Variants in SCAPER observed in about 807,000 individuals in gnomAD.
SCAPER encodes S-phase cyclin A associated protein in the ER, also known as S phase cyclin A-associated protein in the endoplasmic reticulum.
SCAPER carries 98 observed loss-of-function variants against 182.2 expected under a neutral mutation model. That is an observed-to-expected ratio of 0.54 (90% confidence interval 0.46 to 0.64). The LOEUF (loss-of-function observed/expected upper bound fraction) is 0.64, where lower values mean the gene tolerates loss of function less well. Among genes scored for constraint, SCAPER ranks in the 30% least tolerant of loss-of-function variants. The pLI is 0.00. For synonymous variants in SCAPER, 605 were observed against 564.6 expected (o/e 1.07, Z -1.01); for missense variants, 1,432 against 1,690.0 (o/e 0.85, Z 2.68).
At chr15:76,465,031 C>T (rs1697564052) in intron 25 of SCAPER, among the ~76,000 whole-genome samples, 2 of 152,060 alleles carry the variant, frequency 1.3e-5, no homozygotes, top group Admixed American at 1.3e-4. Flanking sequence ...TGTGTATTTT[C>T]TTTGAAGAAA....
intron 22 of SCAPER, among the ~76,000 whole-genome samples, chr15:76,595,288 A>C (rs1420953753): frequency 8.2e-6 from 1 of 121,574 alleles, no homozygotes; most frequent in African/African-American, 2.5e-5. Context: ...ACTATCCTAA[A>C]TATATACGGA....
At chr15:76,767,502 T>A (rs1440490036) in intron 10 of SCAPER, among the ~76,000 whole-genome samples, 1 of 152,160 alleles carries the variant, frequency 6.6e-6, no homozygotes, top group African/African-American at 2.4e-5. Context: ...GTACTGGTGA[T>A]GATGCTTTCT....
intron 23 of SCAPER, among the ~76,000 whole-genome samples, chr15:76,568,455 G>C (rs551562637): frequency 6.6e-6 from 1 of 151,790 alleles, no homozygotes; most frequent in Non-Finnish European, 1.5e-5. Context: ...TCCTGAGTTC[G>C]AGTGATTCTC....
At chr15:76,848,191 G>A (rs1038015807) in intron 4 of SCAPER, among the ~76,000 whole-genome samples, 1 of 151,542 alleles carries the variant, frequency 6.6e-6, no homozygotes, top group South Asian at 2.1e-4. Flanking sequence ...GTAGAAACGG[G>A]GTTTCACCAT....
intron 29 of SCAPER, among the ~76,000 whole-genome samples, chr15:76,367,749 C>A (rs1441440828): frequency 6.6e-6 from 1 of 152,106 alleles, no homozygotes; most frequent in Non-Finnish European, 1.5e-5. Context: ...TAAAAGGTAT[C>A]TTTTATTTGG....
At chr15:76,383,519 T>G (rs554903175) in intron 27 of SCAPER, among the ~76,000 whole-genome samples, 30 of 152,374 alleles carry the variant, frequency 2.0e-4, no homozygotes, top group African/African-American at 7.2e-4. Context: ...AGAAGCTCTC[T>G]TATGAAATAC....
At chr15:76,659,845 C>G (rs1193784749) in intron 21 of SCAPER, among the ~76,000 whole-genome samples, 2 of 152,106 alleles carry the variant, frequency 1.3e-5, no homozygotes, top group Non-Finnish European at 2.9e-5. Context: ...CTGTAGATTT[C>G]TCAAAGAACA....
chr15:76,701,961 T>C, intron 19 of SCAPER, 96 bp from the exon 20 acceptor site: 1 of 752,400 alleles, frequency 1.3e-6, no homozygotes, highest in Non-Finnish European at 2.2e-6. Flanking sequence ...TGAGTTGAGA[T>C]CCACCTAGTA....
intron 14 of SCAPER, among the ~76,000 whole-genome samples, chr15:76,757,845 C>T (rs2062544895): frequency 6.6e-6 from 1 of 152,122 alleles, no homozygotes. Flanking sequence ...TTCCATTTCC[C>T]CTGATCATTA....
At chr15:76,463,282 A>T (rs541364697) in intron 25 of SCAPER, among the ~76,000 whole-genome samples, 31 of 152,280 alleles carry the variant, frequency 2.0e-4, no homozygotes, top group African/African-American at 7.0e-4. Context: ...TGTTCTGGCA[A>T]CTCAATATAA....
intron 27 of SCAPER, among the ~76,000 whole-genome samples, chr15:76,387,762 G>A (rs2043384455): frequency 6.6e-6 from 1 of 152,012 alleles, no homozygotes; most frequent in Admixed American, 6.6e-5. Flanking sequence ...ATAAACATGA[G>A]GACTAAAAAC....
At chr15:76,904,186 AAACTT>A (rs1336682720) in intron 1 of SCAPER, among the ~76,000 whole-genome samples, 1 of 152,188 alleles carries the variant, frequency 6.6e-6, no homozygotes. Flanking sequence ...TTAGGTCAGA[AAACTT>A]AACCCCAGAT....
chr15:76,432,786 T>C (rs1040638408), intron 26 of SCAPER, among the ~76,000 whole-genome samples: 25 of 152,210 alleles, frequency 1.6e-4, no homozygotes, highest in African/African-American at 5.3e-4. Flanking sequence ...AGCATACAGG[T>C]GTTGGGAGTC....
At chr15:76,899,411 G>A (rs565285254) in intron 1 of SCAPER, among the ~76,000 whole-genome samples, 8 of 152,310 alleles carry the variant, frequency 5.3e-5, no homozygotes, top group East Asian at 3.9e-4. Context: ...TGAACTGCCC[G>A]CCTCGGCCTC....
chr15:76,713,078 T>C (rs2059679547), intron 17 of SCAPER, among the ~76,000 whole-genome samples: 1 of 152,140 alleles, frequency 6.6e-6, no homozygotes, highest in South Asian at 2.1e-4. Context: ...TGTGGGTTTG[T>C]CATAGATAGC....
intron 22 of SCAPER, among the ~76,000 whole-genome samples, chr15:76,577,487 T>C (rs985211823): frequency 2.6e-5 from 4 of 152,134 alleles, no homozygotes; most frequent in East Asian, 1.9e-4. Context: ...GGACTTTGTC[T>C]TGCAACTTGG....
intron 4 of SCAPER, among the ~76,000 whole-genome samples, chr15:76,853,258 A>T (rs982873361): frequency 6.6e-6 from 1 of 152,220 alleles, no homozygotes; most frequent in Non-Finnish European, 1.5e-5. Context: ...TACAAAGAAA[A>T]GCTGGTACTA....
chr15:76,557,391 GCT>G lies in SCAPER; in HGVS notation c.2838+16765_2838+16766del, dbSNP rs1034752585. 3.9e-5 allele frequency among the ~76,000 whole-genome samples: 6 copies of G among 152,284 alleles called. No homozygotes were observed. In the East Asian group the frequency reaches 5.8e-4, roughly 15 times the overall value. ...AGGCTATAGTAGCTGATATAGTTTG[GCT>G]CTGTGTCTCCACCAAATTTCATGTT... On this transcript the variant is annotated intron_variant, in intron 23 of 31. Transcript: ENST00000563290.
chr15:76,622,018 C>G (rs1450462409), intron 21 of SCAPER, among the ~76,000 whole-genome samples, 189 bp from the exon 22 acceptor site: 1 of 151,792 alleles, frequency 6.6e-6, no homozygotes, highest in African/African-American at 2.4e-5. Flanking sequence ...AATAATAATA[C>G]AAAAAAAGTC....
Sources: gnomAD v4.1 joint callset for allele counts (sites outside exome capture counted in the v4.1 genomes callset) on GRCh38, gnomAD v4.1.1 for gene constraint, MANE v1.5 for transcripts, NCBI Gene and HGNC (gene_info 2026-07-23, HGNC 2026-07-21) for gene names.